Variants in KIRREL3 observed in about 807,000 individuals in gnomAD.
The protein encoded by KIRREL3 is kin of IRRE-like protein 3.
A neutral mutation model predicts 89.7 loss-of-function variants in KIRREL3; 36 were observed. The ratio of observed to expected loss-of-function variants is 0.40; its 90% CI spans 0.31 to 0.53. The LOEUF (loss-of-function observed/expected upper bound fraction) is 0.53. Ranked by LOEUF, KIRREL3 falls within the 20% of genes least tolerant of loss-of-function variation. The probability of loss-of-function intolerance (pLI) is 0.49; values close to 1 mark genes in which losing one functional copy is unlikely to be tolerated. For missense variants in KIRREL3, 864 were observed against 1,056.6 expected (o/e 0.82, Z 2.53); for synonymous variants, 445 against 441.4 (o/e 1.01, Z -0.10).
chr11:126,852,831 G>A (rs562323292), intron 1 of KIRREL3, among the ~76,000 whole-genome samples: 2 of 152,296 alleles, frequency 1.3e-5, no homozygotes, highest in African/African-American at 4.8e-5. Context: ...TTGGCTTCTT[G>A]TCCAGCTCTG....
Position 126,871,721 on chromosome 11 carries a change from G to T in KIRREL3, c.55+128734C>A, listed in dbSNP as rs77450936. On this transcript the variant is annotated intron_variant, in intron 1 of 16. Coordinates refer to ENST00000525144, the MANE Select transcript of KIRREL3 (RefSeq NM_032531.4). ...TTGAGCATCTTCATGATAATGGGCA[G>T]AAAGGAGCTTGTCTTTCTTGGGTCA... 3.4e-3 allele frequency among the ~76,000 whole-genome samples: 511 copies of T among 152,324 alleles called. 4 individuals carry two copies. Among genetic ancestry groups the T allele is most frequent in the Non-Finnish European group, 5.0e-3 (337 of 68,032 alleles).
At chr11:126,632,591 A>G (rs1326800804) in intron 1 of KIRREL3, among the ~76,000 whole-genome samples, 1 of 151,792 alleles carries the variant, frequency 6.6e-6, no homozygotes, top group Admixed American at 6.6e-5. Context: ...ATTGGCAATA[A>G]CACAGATTGC....
Position 126,739,083 on chromosome 11 carries a change from C to CA in KIRREL3, c.56-176172dup, listed in dbSNP as rs1384014169. On this transcript the variant is annotated intron_variant, in intron 1 of 16. Coordinates refer to ENST00000525144, the MANE Select transcript of KIRREL3 (RefSeq NM_032531.4). The surrounding 1 kb of genome is among the most constrained non-coding windows in gnomAD (Gnocchi z 5.5). ...TGAAGAAACTGGCTTTCAGAGAGACCAAGTAACTTGCTCAAGGCCACACAG... is the reference window on the plus strand; with the variant it reads ...TGAAGAAACTGGCTTTCAGAGAGACCAAAGTAACTTGCTCAAGGCCACACAG... Among the ~76,000 whole-genome samples, 2 of 152,146 alleles carry CA rather than the reference C, an allele frequency of 1.3e-5. No individual in the cohort carries two copies. Among genetic ancestry groups the CA allele is most frequent in the Admixed American group, 1.3e-4 (2 of 15,282 alleles).
At chr11:126,936,072 TG>T (rs1948172238) in intron 1 of KIRREL3, 1 of 152,128 alleles carries the variant, frequency 6.6e-6, no homozygotes, top group Non-Finnish European at 1.5e-5. Flanking sequence ...TTTTCAAAAA[TG>T]GGCAAAAAAT....
At chr11:126,760,266 C>G (rs2134266505) in intron 1 of KIRREL3, among the ~76,000 whole-genome samples, 1 of 152,276 alleles carries the variant, frequency 6.6e-6, no homozygotes, top group South Asian at 2.1e-4. Flanking sequence ...CATTGCTGCC[C>G]TACTGAGATA....
At chr11:126,692,530 C>T (rs986196617) in intron 1 of KIRREL3, among the ~76,000 whole-genome samples, 14 of 100,206 alleles carry the variant, frequency 1.4e-4, no homozygotes, top group Middle Eastern at 0.014. Context: ...GGGTGACAGA[C>T]CAAGACTCTG....
chr11:126,476,722 G>C lies in KIRREL3; in HGVS notation c.434-3256C>G, dbSNP rs1957079032. Among the ~76,000 whole-genome samples, 2 of 152,114 alleles carry C rather than the reference G, an allele frequency of 1.3e-5. No homozygotes were observed. The highest frequency in any genetic ancestry group is 4.8e-5 in the African/African-American group (2 of 41,394). On this transcript the variant is annotated intron_variant, in intron 4 of 16. Transcript: ENST00000525144. This position sits in a 1 kb window ranked among gnomAD's most constrained non-coding sequence, Gnocchi z 6.4. ...TGTTTGGGGGCCAGCAGGCTGAAGA[G>C]AAATCAGCAGTCGCTCTTGGCAGCT...
Position 126,441,872 on chromosome 11 carries a change from A to C in KIRREL3, c.1253-1323T>G, listed in dbSNP as rs1293691796. On this transcript the variant is annotated intron_variant, in intron 10 of 16. Coordinates refer to ENST00000525144, the MANE Select transcript of KIRREL3 (RefSeq NM_032531.4). The surrounding 1 kb of genome is among the most constrained non-coding windows in gnomAD (Gnocchi z 5.0). ...CTGAGCGCTGCCCTCCTTCCTAAAA[A>C]TCCTTCAGCTCCAACAGGTCTAGGA... Among the ~76,000 whole-genome samples, 1 of 152,124 alleles carries C rather than the reference A, an allele frequency of 6.6e-6. No homozygotes were observed. Among genetic ancestry groups the C allele is most frequent in the Non-Finnish European group, 1.5e-5 (1 of 68,022 alleles).
rs1329146295 is a variant in KIRREL3 at position 126,541,509 on chromosome 11, A to T, written c.134-14822T>A. Among the ~76,000 whole-genome samples, 1 of 152,204 alleles carries T rather than the reference A, an allele frequency of 6.6e-6. No individual in the cohort carries two copies. The highest frequency in any genetic ancestry group is 6.5e-5 in the Admixed American group (1 of 15,276). ...GGGGGCTCAGATCTATATCCTAAAC[A>T]TTAAAAAAAGTAAACAAAATAATCA... On this transcript the variant is annotated intron_variant, in intron 2 of 16. Transcript: ENST00000525144. The surrounding 1 kb of genome is among the most constrained non-coding windows in gnomAD (Gnocchi z 4.8).
At chr11:126,536,875 C>T (rs1188340952) in intron 2 of KIRREL3, among the ~76,000 whole-genome samples, 1 of 152,128 alleles carries the variant, frequency 6.6e-6, no homozygotes, top group Admixed American at 6.5e-5. Context: ...GAACTCCTGA[C>T]CTCAAGTGAT....
chr11:126,826,463 C>G (rs188234857), intron 1 of KIRREL3, among the ~76,000 whole-genome samples: 32 of 152,288 alleles, frequency 2.1e-4, no homozygotes, highest in Admixed American at 1.8e-3. Flanking sequence ...CCCTTTGTCT[C>G]TCTGGCCTTC....
At chr11:126,701,591 G>A (rs185001497) in intron 1 of KIRREL3, among the ~76,000 whole-genome samples, 36 of 152,180 alleles carry the variant, frequency 2.4e-4, no homozygotes, top group African/African-American at 8.4e-4. Flanking sequence ...TTTCTGTTCT[G>A]CTTAGAAACT....
At position 126,541,199 on chromosome 11, in the gene KIRREL3, A is replaced by G. The variant is rs1938339823; in HGVS notation, c.134-14512T>C. ...TGCTCCCATGTCTAAGGGGTACTGT[A>G]TGGACACATGAAGCTTTGTCCTTGT... On this transcript the variant is annotated intron_variant, in intron 2 of 16. Transcript: ENST00000525144. The surrounding 1 kb of genome is among the most constrained non-coding windows in gnomAD (Gnocchi z 4.8). Among the ~76,000 whole-genome samples the G allele has an allele frequency of 6.6e-6, 1 of 152,158 alleles. No homozygotes were observed. The highest frequency in any genetic ancestry group is 2.4e-5 in the African/African-American group (1 of 41,456).
chr11:126,474,681 A>T lies in KIRREL3; in HGVS notation c.434-1215T>A, dbSNP rs1175693496. On this transcript the variant is annotated intron_variant, in intron 4 of 16. Transcript: ENST00000525144. The surrounding 1 kb of genome is among the most constrained non-coding windows in gnomAD (Gnocchi z 6.7). ...TCAAGGGATCCTGAGTGCCAGGAAG[A>T]GGGCCATCCGCGTCGGAGCACGGTC... is the stretch of plus-strand genomic sequence containing the variant. Among the ~76,000 whole-genome samples the T allele has an allele frequency of 6.6e-6, 1 of 152,188 alleles. No homozygotes were observed. The highest frequency in any genetic ancestry group is 1.9e-4 in the East Asian group (1 of 5,184).
rs1316974081 is a variant in KIRREL3, at chr11:126,490,038, G to A, written c.434-16572C>T. On this transcript the variant is annotated intron_variant, in intron 4 of 16. Coordinates refer to ENST00000525144, the MANE Select transcript of KIRREL3 (RefSeq NM_032531.4). The surrounding 1 kb of genome is among the most constrained non-coding windows in gnomAD (Gnocchi z 4.2). ...CCATGAGCTGCTTCGAGGAGTGAAC[G>A]GGGTGAGGTGTCCAGTGTTGCTTTG... is the stretch of plus-strand genomic sequence containing the variant. Among the ~76,000 whole-genome samples, 3 of 152,208 alleles carry A rather than the reference G, an allele frequency of 2.0e-5. No individual in the cohort carries two copies. Among genetic ancestry groups the A allele is most frequent in the African/African-American group, 2.4e-5 (1 of 41,530 alleles).
At chr11:126,442,129 T>C (rs1435558354) in intron 10 of KIRREL3, among the ~76,000 whole-genome samples, 1 of 151,260 alleles carries the variant, frequency 6.6e-6, no homozygotes, top group Non-Finnish European at 1.5e-5. Flanking sequence ...AAATTTTTAG[T>C]ATTTATTATT....
chr11:126,930,712 T>C (rs1592392201), intron 1 of KIRREL3, among the ~76,000 whole-genome samples: 1 of 152,256 alleles, frequency 6.6e-6, no homozygotes, highest in South Asian at 2.1e-4. Flanking sequence ...CTCACTGCAT[T>C]CTATCTGCTC....
intron 2 of KIRREL3, among the ~76,000 whole-genome samples, chr11:126,534,275 G>T (rs1391227387): frequency 6.6e-6 from 1 of 151,606 alleles, no homozygotes; most frequent in Non-Finnish European, 1.5e-5. Context: ...AAGGGGTAGG[G>T]GGCGTCTCCC....
rs970480650 is a variant in KIRREL3, at chr11:126,553,693, C to T, written c.133+9142G>A. The stretch of plus-strand genomic sequence containing the variant: ...TGACTTGTTCTGCTTTAATGCACCC[C>T]TCAAATTTCCATAGGGCTGTGCTCC... On this transcript the variant is annotated intron_variant, in intron 2 of 16. Coordinates refer to ENST00000525144, the MANE Select transcript of KIRREL3 (RefSeq NM_032531.4). The surrounding 1 kb of genome is among the most constrained non-coding windows in gnomAD (Gnocchi z 4.7). 3.3e-5 allele frequency among the ~76,000 whole-genome samples: 5 copies of T among 152,146 alleles called. No individual in the cohort carries two copies. The highest frequency in any genetic ancestry group is 1.2e-4 in the African/African-American group (5 of 41,426).
Sources: allele counts gnomAD v4.1 joint callset (sites outside exome capture counted in the v4.1 genomes callset), GRCh38; gene constraint gnomAD v4.1.1; non-coding constraint Gnocchi (gnomAD v3.1); transcripts MANE v1.5; gene names NCBI Gene and HGNC (gene_info 2026-07-23, HGNC 2026-07-21).